The following PRKCE variants were observed in gnomAD, a reference collection of about 807,000 sequenced individuals.
PRKCE encodes the protein protein kinase C epsilon, also known as protein kinase C epsilon type.
Under a neutral mutation model 85.4 loss-of-function variants are expected in PRKCE, and 16 were observed. The ratio of observed to expected loss-of-function variants is 0.19; its 90% CI spans 0.13 to 0.28. The LOEUF (loss-of-function observed/expected upper bound fraction) is 0.28, where lower values mean the gene tolerates loss of function less well. Among genes scored for constraint, PRKCE ranks in the 10% least tolerant of loss-of-function variants. The probability of loss-of-function intolerance (pLI) is 1.00; values close to 1 mark genes in which losing one functional copy is unlikely to be tolerated. For missense variants in PRKCE, 573 were observed against 975.2 expected (o/e 0.59, Z 5.49); for synonymous variants, 388 against 371.5 (o/e 1.04, Z -0.51).
chr2:46,046,397 T>C (rs563263083), intron 10 of PRKCE, among the ~76,000 whole-genome samples: 1 of 152,348 alleles, frequency 6.6e-6, no homozygotes, highest in African/African-American at 2.4e-5. Flanking sequence ...ACAGTGTTTC[T>C]CAATGGCCCT....
At chr2:45,976,716 C>A in intron 3 of PRKCE, 128 bp downstream of exon 3, 1 of 1,135,794 alleles carries the variant, frequency 8.8e-7, no homozygotes, top group Non-Finnish European at 1.3e-6. Flanking sequence ...TATCTGAATG[C>A]AGGGGACTAT....
intron 1 of PRKCE, among the ~76,000 whole-genome samples, chr2:45,714,681 G>A (rs1217591124): frequency 6.6e-6 from 1 of 152,194 alleles, no homozygotes; most frequent in African/African-American, 2.4e-5. Flanking sequence ...GTCCTGTGTG[G>A]GGAGTATAGA....
At chr2:45,670,171 G>A (rs537820748) in intron 1 of PRKCE, among the ~76,000 whole-genome samples, 16 of 152,124 alleles carry the variant, frequency 1.1e-4, no homozygotes, top group Non-Finnish European at 2.4e-4. Context: ...AGTCGGCCGC[G>A]TGCCTTCTCT....
At chr2:46,084,690 C>T (rs11893864) in intron 10 of PRKCE, among the ~76,000 whole-genome samples, 63,118 of 147,070 alleles carry the variant, frequency 0.43, 13,925 homozygotes, top group African/African-American at 0.51. Context: ...CCACTGCACT[C>T]CAGCCTAGCA....
At chr2:45,788,483 G>C (rs901744837) in intron 1 of PRKCE, among the ~76,000 whole-genome samples, 1 of 152,134 alleles carries the variant, frequency 6.6e-6, no homozygotes. Context: ...CAGTTTTTCT[G>C]TGTCTTCTCT....
At chr2:46,042,112 C>T (rs553323122) in intron 10 of PRKCE, among the ~76,000 whole-genome samples, 5 of 152,198 alleles carry the variant, frequency 3.3e-5, no homozygotes, top group Admixed American at 6.5e-5. Flanking sequence ...TGAAAAGAGT[C>T]GGTTAATGTG....
At chr2:45,829,370 T>A (rs1690214465) in intron 1 of PRKCE, among the ~76,000 whole-genome samples, 1 of 152,242 alleles carries the variant, frequency 6.6e-6, no homozygotes, top group African/African-American at 2.4e-5. Flanking sequence ...GAGCTTCTAT[T>A]CAAGGTGGTC....
rs1330291622 is a variant in PRKCE, at chr2:45,884,978, TATATATATATATA to T, written c.412+41916_412+41928del. 5.9e-3 allele frequency among the ~76,000 whole-genome samples: 408 copies of T among 69,210 alleles called. 21 individuals are homozygous for T. The East Asian group carries it at 0.18, about 31-fold the overall frequency. The allele number at this position is 69,210 out of a possible 152,430, so 45.4% of individuals were successfully genotyped here. On this transcript the variant is annotated intron_variant, in intron 2 of 14. Coordinates refer to ENST00000306156, the MANE Select transcript of PRKCE (RefSeq NM_005400.3). ...CCATATATATATATATATATATATA[TATATATATATATA>T]TATATATATATTTGTTGTTGTTGTT...
At chr2:46,088,338 G>C (rs1477661480) in intron 11 of PRKCE, among the ~76,000 whole-genome samples, 2 of 151,986 alleles carry the variant, frequency 1.3e-5, no homozygotes, top group East Asian at 3.9e-4. Context: ...CACCTCCTCT[G>C]TCCAGCCCCA....
chr2:45,910,687 G>T (rs1697321823), intron 2 of PRKCE, among the ~76,000 whole-genome samples: 1 of 152,188 alleles, frequency 6.6e-6, no homozygotes, highest in South Asian at 2.1e-4. Flanking sequence ...GTAAACACTA[G>T]ATTCTTTCCT....
chr2:45,699,571 G>T (rs1350581461), intron 1 of PRKCE, among the ~76,000 whole-genome samples: 2 of 152,202 alleles, frequency 1.3e-5, no homozygotes, highest in Non-Finnish European at 2.9e-5. Flanking sequence ...CCCCCATGCT[G>T]TGTGGGTCAC....
chr2:45,810,102 G>A (rs1688549852), intron 1 of PRKCE, among the ~76,000 whole-genome samples: 1 of 151,606 alleles, frequency 6.6e-6, no homozygotes, highest in African/African-American at 2.4e-5. Context: ...GTGCAATGGT[G>A]CGATCTCAGC....
At chr2:45,663,580 G>A (rs527259379) in intron 1 of PRKCE, among the ~76,000 whole-genome samples, 1 of 152,084 alleles carries the variant, frequency 6.6e-6, no homozygotes, top group South Asian at 2.1e-4. Flanking sequence ...TCAAGAGATC[G>A]AGACCATCCT....
chr2:45,801,150 T>C (rs1469394074), intron 1 of PRKCE, among the ~76,000 whole-genome samples: 1 of 151,940 alleles, frequency 6.6e-6, no homozygotes, highest in Non-Finnish European at 1.5e-5. Flanking sequence ...TGGTGAGAGA[T>C]GTGTTGAGAA....
intron 1 of PRKCE, among the ~76,000 whole-genome samples, chr2:45,830,782 A>G (rs1350369779): frequency 6.6e-6 from 1 of 152,244 alleles, no homozygotes; most frequent in East Asian, 1.9e-4. Context: ...GACAATATTG[A>G]TGTTAGAAGA....
intron 10 of PRKCE, among the ~76,000 whole-genome samples, chr2:46,061,860 T>C (rs1276570462): frequency 2.5e-5 from 1 of 40,692 alleles, no homozygotes; most frequent in Non-Finnish European, 4.6e-5. Flanking sequence ...TTTCTTTTTC[T>C]TTTTTTTTTT....
intron 6 of PRKCE, among the ~76,000 whole-genome samples, chr2:45,998,258 A>C (rs971294563): frequency 6.6e-6 from 1 of 152,174 alleles, no homozygotes; most frequent in Non-Finnish European, 1.5e-5. Flanking sequence ...AGATCTGTTT[A>C]TTTTTGAATA....
intron 11 of PRKCE, among the ~76,000 whole-genome samples, chr2:46,129,729 G>A (rs916096622): frequency 6.6e-6 from 1 of 152,242 alleles, no homozygotes; most frequent in African/African-American, 2.4e-5. Flanking sequence ...AGCTGCCTGT[G>A]CCTGTTCCTT....
chr2:45,891,530 A>G (rs1695721715), intron 2 of PRKCE, among the ~76,000 whole-genome samples: 1 of 152,148 alleles, frequency 6.6e-6, no homozygotes, highest in Non-Finnish European at 1.5e-5. Context: ...CACCCCGTCA[A>G]GTTTCCAAGT....
Sources: allele counts gnomAD v4.1 joint callset (sites outside exome capture counted in the v4.1 genomes callset), GRCh38; gene constraint gnomAD v4.1.1; transcripts MANE v1.5; gene names NCBI Gene and HGNC (gene_info 2026-07-23, HGNC 2026-07-21).